IL17D: variants seen among roughly 807,000 people sequenced by gnomAD.
The protein encoded by IL17D is interleukin-17D.
In IL17D, 10 loss-of-function variants were observed where a neutral mutation model predicts 5.7. The ratio of observed to expected loss-of-function variants is 1.75; its 90% CI spans 1.08 to 2.97. The LOEUF (loss-of-function observed/expected upper bound fraction) is 2.97. Among genes scored for constraint, IL17D ranks in the 30% most tolerant of loss-of-function variants. The probability of loss-of-function intolerance (pLI) is 0.00; values close to 1 mark genes in which losing one functional copy is unlikely to be tolerated. For missense variants in IL17D, 354 were observed against 292.7 expected, an observed-to-expected ratio of 1.21 and a Z score of -1.53; for synonymous variants, 172 against 141.7, an observed-to-expected ratio of 1.21 and a Z score of -1.52.
upstream of IL17D, chr13:20,703,200 T>C: frequency 2.3e-6 from 2 of 869,326 alleles, no homozygotes; most frequent in Non-Finnish European, 2.8e-6. Context: ...CGCCGCATGC[T>C]CGCGGCTGGA....
rs1159681293 is a variant in IL17D, at chr13:20,708,975, AAAAG to A, written c.290+4696_290+4699del. ...GACTCTGTCTCAAAAAAAAAAAAAA[AAAAG>A]AAAGAAAGAAAAGAAAAGGACCAGT... On this transcript the variant is annotated intron_variant, in intron 1 of 1. Transcript: ENST00000682841. Among the ~76,000 whole-genome samples the A allele has an allele frequency of 1.9e-3, 279 of 144,704 alleles. 2 individuals carry two copies. The highest frequency in any genetic ancestry group is 7.1e-3 in the Middle Eastern group (2 of 282). 94.9% of individuals were successfully genotyped at this position (144,704 alleles called of 152,430 possible). A position where few individuals can be genotyped will look rare whatever the true frequency, so the allele number is the denominator to read the frequency against.
At position 20,712,687 on chromosome 13, in the gene IL17D, A is replaced by C. The variant is rs1027348517; in HGVS notation, c.290+8396A>C. On this transcript the variant is annotated intron_variant, in intron 1 of 1. Coordinates refer to ENST00000682841, the MANE Select transcript of IL17D (RefSeq NM_001385224.1). The stretch of plus-strand genomic sequence containing the variant: ...TGTGCCGACGCTAAAAAAAAAAAAA[A>C]ACCCCACCCTGCAGGCTGAGACCCC... 10 of 151,146 alleles carry C rather than the reference A, an allele frequency of 6.6e-5. No individual in the cohort carries two copies. In the East Asian group the frequency reaches 7.8e-4, roughly 12 times the overall value. The allele number at this position is 151,146 out of a possible 1,614,324, so 9.4% of individuals were successfully genotyped here.
chr13:20,703,970 G>A lies in IL17D; in HGVS notation c.-32G>A, dbSNP rs1013313099. ...CAGGCGGGCTCCTCCGGCGCGTGCG[G>A]ACGCTGAGCGTGGCCTGTCCCTCAG... is the stretch of plus-strand genomic sequence containing the variant. On this transcript the variant is annotated 5_prime_UTR_variant, in exon 1 of 2. Transcript: ENST00000682841. 60 of 1,003,064 alleles carry A rather than the reference G, an allele frequency of 6.0e-5. No homozygotes were observed. In the African/African-American group the frequency reaches 9.6e-4, roughly 16 times the overall value. The allele number at this position is 1,003,064 out of a possible 1,614,324, so 62.1% of individuals were successfully genotyped here.
intron 1 of IL17D, among the ~76,000 whole-genome samples, chr13:20,709,071 G>A (rs1244089108): frequency 1.3e-5 from 2 of 150,882 alleles, no homozygotes; most frequent in African/African-American, 4.9e-5. Flanking sequence ...TGACTCAAAC[G>A]CTTGACACAG....
upstream of IL17D, chr13:20,703,391 C>A (rs550249408): frequency 1.0e-6 from 1 of 986,022 alleles, no homozygotes; most frequent in South Asian, 4.7e-5. Flanking sequence ...CGCTCTGTGT[C>A]CGTGAGGCCG....
intron 1 of IL17D, among the ~76,000 whole-genome samples, chr13:20,719,085 A>C: frequency 7.4e-6 from 1 of 134,258 alleles, no homozygotes; most frequent in Non-Finnish European, 1.6e-5. Context: ...ACACACAACT[A>C]CCCATGCTCA....
Position 20,704,254 on chromosome 13 carries a change from C to T in IL17D, c.253C>T (p.Pro85Ser). 7.7e-7 allele frequency: 1 copy of T among 1,304,174 alleles called. No homozygotes were observed. Among genetic ancestry groups the T allele is most frequent in the South Asian group, 2.0e-5 (1 of 50,340 alleles). 80.8% of individuals were successfully genotyped at this position (1,304,174 alleles called of 1,614,324 possible). The part of the protein sequence containing the change: ...GRPADRRFRP[P>S]TNLRSVSPWA... ...GCCCGCCGACCGCCGCTTCCGGCCG[C>T]CCACCAACCTGCGCAGCGTGTCGCC... The change falls in exon 1 of 2, where the codon CCC (proline) becomes TCC (serine). Residue 85 changes from proline to serine, a missense_variant. Physicochemically the swap from Pro to Ser is moderately conservative, Grantham distance 74. Transcript: ENST00000682841.
chr13:20,713,177 A>G lies in IL17D; in HGVS notation c.291-8459A>G, dbSNP rs1233118624. On this transcript the variant is annotated intron_variant, in intron 1 of 1. Transcript: ENST00000682841. ...CCTCTAATGACAACGCTTTGTTGAG[A>G]AAACGAGGGCGTTAGAGAAAGGAAG... The G allele has an allele frequency of 3.9e-5, 6 of 152,330 alleles. No homozygotes were observed. The East Asian group carries it at 1.2e-3, about 29-fold the overall frequency. 9.4% of individuals were successfully genotyped at this position (152,330 alleles called of 1,614,324 possible).
rs1194321154 is a variant in IL17D at position 20,722,745 on chromosome 13, C to T, written c.*791C>T. 6 of 152,210 alleles carry T rather than the reference C, an allele frequency of 3.9e-5. No homozygotes were observed. Among genetic ancestry groups the T allele is most frequent in the Middle Eastern group, 3.2e-3 (1 of 316 alleles). The allele number at this position is 152,210 out of a possible 1,614,324, so 9.4% of individuals were successfully genotyped here. On this transcript the variant is annotated 3_prime_UTR_variant, in exon 2 of 2. Transcript: ENST00000682841. Reference sequence around the variant, plus strand: ...TCAGATTTGGTTTTAGTCATGAATACATAAACAGTCTCAAACTCGCACAAT... The same window carrying T: ...TCAGATTTGGTTTTAGTCATGAATATATAAACAGTCTCAAACTCGCACAAT...
intron 1 of IL17D, chr13:20,714,279 C>T (rs1174624137): frequency 2.0e-5 from 3 of 152,208 alleles, no homozygotes; most frequent in Non-Finnish European, 4.4e-5. Flanking sequence ...CCCAGATGAA[C>T]GAATTTCCCC....
chr13:20,719,194 G>A (rs1389114431), intron 1 of IL17D, among the ~76,000 whole-genome samples: 3 of 123,568 alleles, frequency 2.4e-5, no homozygotes, highest in Non-Finnish European at 1.6e-5. Context: ...ACTCACAGAT[G>A]CCCACACCCA....
In IL17D at chr13:20,703,908, G is replaced by C; in HGVS notation, c.-94G>C. 7.4e-6 allele frequency: 5 copies of C among 671,570 alleles called. No individual in the cohort carries two copies. Among genetic ancestry groups the C allele is most frequent in the Non-Finnish European group, 9.2e-6 (5 of 544,702 alleles). 41.6% of individuals were successfully genotyped at this position (671,570 alleles called of 1,614,324 possible). ...GCGGGGCGAGGGGAGGCGCCCGCCG[G>C]CTCCGGGCGCCGCGGGCGGGACACG... On this transcript the variant is annotated 5_prime_UTR_variant, in exon 1 of 2. Transcript: ENST00000682841.
Position 20,703,730 on chromosome 13 carries a change from C to G in IL17D, c.-272C>G, listed in dbSNP as rs1304576317. 1 of 146,714 alleles carries G rather than the reference C, an allele frequency of 6.8e-6. No individual in the cohort carries two copies. Among genetic ancestry groups the G allele is most frequent in the Non-Finnish European group, 1.5e-5 (1 of 66,314 alleles). The allele number at this position is 146,714 out of a possible 1,614,324, so 9.1% of individuals were successfully genotyped here. A position where few individuals can be genotyped will look rare whatever the true frequency, so the allele number is the denominator to read the frequency against. On this transcript the variant is annotated 5_prime_UTR_variant, in exon 1 of 2. Transcript: ENST00000682841. ...GCCCCGCACCCGCCCCCCGTGCGGCCCCCGGCTCGGGGCGGCGGCGGCGGC... is the reference window on the plus strand; with the variant it reads ...GCCCCGCACCCGCCCCCCGTGCGGCGCCCGGCTCGGGGCGGCGGCGGCGGC...
intron 1 of IL17D, among the ~76,000 whole-genome samples, chr13:20,707,500 C>T (rs2141383073): frequency 6.6e-6 from 1 of 150,446 alleles, no homozygotes; most frequent in East Asian, 2.0e-4. Context: ...AAGTGTGGAG[C>T]CTCTACTAAA....
chr13:20,704,228 G>T lies in IL17D; in HGVS notation c.227G>T (p.Arg76Met). The T allele has an allele frequency of 7.5e-7, 1 of 1,336,804 alleles. No individual in the cohort carries two copies. The highest frequency in any genetic ancestry group is 9.6e-7 in the Non-Finnish European group (1 of 1,043,992). 82.8% of individuals were successfully genotyped at this position (1,336,804 alleles called of 1,614,324 possible). A position where few individuals can be genotyped will look rare whatever the true frequency, so the allele number is the denominator to read the frequency against. Residue 76 changes from arginine to methionine, a missense_variant, in exon 1 of 2, where the codon AGG becomes ATG. Arg to Met is a moderately conservative substitution (Grantham distance 91, BLOSUM62 -1). Transcript: ENST00000682841. ...ARNASCPAGGRPADRRFRPPT... is the reference protein window; with the variant it reads ...ARNASCPAGGMPADRRFRPPT... ...AACGCGAGCTGCCCGGCAGGGGGCA[G>T]GCCCGCCGACCGCCGCTTCCGGCCG...
intron 1 of IL17D, chr13:20,714,155 T>C (rs2058661276): frequency 6.6e-6 from 1 of 152,276 alleles, no homozygotes; most frequent in African/African-American, 2.4e-5. Context: ...TCAAGAAATG[T>C]GGGTTCTCAT....
intron 1 of IL17D, among the ~76,000 whole-genome samples, chr13:20,715,570 C>G (rs1691502214): frequency 6.6e-6 from 1 of 152,132 alleles, no homozygotes; most frequent in Admixed American, 6.6e-5. Flanking sequence ...TCTGCTGATT[C>G]ATTTGAATCA....
chr13:20,705,533 A>G (rs1054796018), intron 1 of IL17D, among the ~76,000 whole-genome samples: 7 of 152,142 alleles, frequency 4.6e-5, no homozygotes, highest in African/African-American at 1.7e-4. Flanking sequence ...CATTTCTGCA[A>G]ACAATTTTTA....
At chr13:20,704,315 G>C (rs1307593991) in intron 1 of IL17D, 24 bp downstream of exon 1, 2 of 1,187,038 alleles carry the variant, frequency 1.7e-6, no homozygotes, top group Non-Finnish European at 2.1e-6. Flanking sequence ...GCGTCCTGGC[G>C]GGGCCCGGCA....
Sources: allele counts gnomAD v4.1 joint callset (sites outside exome capture counted in the v4.1 genomes callset), GRCh38; gene constraint gnomAD v4.1.1; transcripts MANE v1.5; gene names NCBI Gene and HGNC (gene_info 2026-07-23, HGNC 2026-07-21).